Variants in HNRNPR observed in about 807,000 individuals in gnomAD.
HNRNPR encodes the protein heterogeneous nuclear ribonucleoprotein R.
HNRNPR carries 4 observed loss-of-function variants against 70.3 expected under a neutral mutation model. That is an observed-to-expected ratio of 0.06 (90% CI 0.03 to 0.13). The LOEUF (loss-of-function observed/expected upper bound fraction) is 0.13. HNRNPR is among the 10% of genes least tolerant of loss of function. The probability of loss-of-function intolerance (pLI) is 1.00; values close to 1 mark genes in which losing one functional copy is unlikely to be tolerated. For missense variants in HNRNPR, 423 were observed against 788.5 expected, an observed-to-expected ratio of 0.54 and a Z score of 5.55; for synonymous variants, 241 against 267.6, an observed-to-expected ratio of 0.90 and a Z score of 0.97.
intron 9 of HNRNPR, chr1:23,311,868 C>G (rs1451992960): frequency 1.3e-5 from 2 of 152,556 alleles, no homozygotes. Context: ...CTAGGTTTCC[C>G]TCACAATGCT....
chr1:23,338,672 C>T (rs985554773), intron 2 of HNRNPR, 64 bp from the exon 3 acceptor site: 8 of 721,660 alleles, frequency 1.1e-5, no homozygotes, highest in South Asian at 8.2e-5. Flanking sequence ...GCTCTACTGA[C>T]GTTTAATCAA....
In HNRNPR at chr1:23,308,437, T is replaced by C. The variant is rs985319342; in HGVS notation, c.*2017A>G. 4 of 152,106 alleles carry C rather than the reference T, an allele frequency of 2.6e-5. No individual in the cohort carries two copies. Among genetic ancestry groups the C allele is most frequent in the Admixed American group, 2.0e-4 (3 of 15,276 alleles). The allele number at this position is 152,106 out of a possible 1,614,324, so 9.4% of individuals were successfully genotyped here. On this transcript the variant is annotated 3_prime_UTR_variant, in exon 11 of 11. Coordinates refer to ENST00000302271, the MANE Select transcript of HNRNPR (RefSeq NM_005826.5). ...CTTTCCAGGAAAAAAATCAGGGTTT[T>C]ACTTAAGTCTAATTAGATGTATAGT...
Position 23,306,106 on chromosome 1 carries a change from G to C in HNRNPR, c.*4348C>G, listed in dbSNP as rs1645198830. The C allele has an allele frequency of 1.3e-5, 2 of 152,078 alleles. No homozygotes were observed. The highest frequency in any genetic ancestry group is 4.1e-4 in the South Asian group (2 of 4,826). The allele number at this position is 152,078 out of a possible 1,614,324, so 9.4% of individuals were successfully genotyped here. ...AATATAATACTAGACTGAAATGACAGTTAAAGCAAATTTATTGTCTCTCCA... is the reference window on the plus strand; with the variant it reads ...AATATAATACTAGACTGAAATGACACTTAAAGCAAATTTATTGTCTCTCCA... On this transcript the variant is annotated 3_prime_UTR_variant, in exon 11 of 11. Transcript: ENST00000302271.
chr1:23,333,001 T>C (rs1390494770), intron 5 of HNRNPR, among the ~76,000 whole-genome samples: 1 of 152,100 alleles, frequency 6.6e-6, no homozygotes. Flanking sequence ...CTGACCAACA[T>C]GGTGAAACCC....
At chr1:23,338,370 T>C (rs908491318) in intron 3 of HNRNPR, 120 bp downstream of exon 3, 2 of 493,394 alleles carry the variant, frequency 4.1e-6, no homozygotes, top group African/African-American at 2.0e-5. Context: ...TTTAAACTAA[T>C]TTTTTAAAAG....
At position 23,305,835 on chromosome 1, in the gene HNRNPR, T is replaced by C. The variant is rs1569854422; in HGVS notation, c.*4619A>G. 6.6e-6 allele frequency: 1 copy of C among 152,314 alleles called. No individual in the cohort carries two copies. The highest frequency in any genetic ancestry group is 2.1e-4 in the South Asian group (1 of 4,828). The allele number at this position is 152,314 out of a possible 1,614,324, so 9.4% of individuals were successfully genotyped here. The stretch of plus-strand genomic sequence containing the variant: ...GGTCTTAATATTTCAGCTATGTAAT[T>C]TCCTCTTGACCCAAAGTCATTGTCT... On this transcript the variant is annotated 3_prime_UTR_variant, in exon 11 of 11. Coordinates refer to ENST00000302271, the MANE Select transcript of HNRNPR (RefSeq NM_005826.5).
intron 4 of HNRNPR, among the ~76,000 whole-genome samples, chr1:23,335,437 A>T (rs1205411499): frequency 1.3e-5 from 2 of 152,252 alleles, no homozygotes; most frequent in Non-Finnish European, 2.9e-5. Flanking sequence ...GCTGCATAGC[A>T]GGAGGTAAAT....
intron 8 of HNRNPR, among the ~76,000 whole-genome samples, chr1:23,315,188 G>A (rs1300803706): frequency 2.7e-5 from 4 of 149,250 alleles, no homozygotes; most frequent in African/African-American, 1.0e-4. Flanking sequence ...GCTGAGGCAG[G>A]AGAATCACTT....
At chr1:23,335,939 A>T (rs569196170) in intron 4 of HNRNPR, among the ~76,000 whole-genome samples, 1 of 147,298 alleles carries the variant, frequency 6.8e-6, no homozygotes, top group African/African-American at 2.6e-5. Flanking sequence ...AAAATGGTGA[A>T]ACCCCGTCTC....
intron 7 of HNRNPR, 42 bp downstream of exon 7, chr1:23,321,486 C>A: frequency 6.4e-7 from 1 of 1,569,292 alleles, no homozygotes; most frequent in Non-Finnish European, 8.8e-7. Context: ...AGTAGTACAA[C>A]ATATTTCGCA....
chr1:23,312,858 C>T lies in HNRNPR; in HGVS notation c.1167+695G>A, dbSNP rs1013824041. ...AAGATTTTAGTAGTGTTTTGTCTTG[C>T]TCCCACCCCCCCAAGGAAGGAGAGA... On this transcript the variant is annotated intron_variant, in intron 9 of 10. Coordinates refer to ENST00000302271, the MANE Select transcript of HNRNPR (RefSeq NM_005826.5). Among the ~76,000 whole-genome samples, 12 of 151,990 alleles carry T rather than the reference C, an allele frequency of 7.9e-5. 1 individual carries two copies. The highest frequency in any genetic ancestry group is 1.6e-4 in the Non-Finnish European group (11 of 67,980).
At chr1:23,334,494 C>T (rs1256399872) in intron 4 of HNRNPR, among the ~76,000 whole-genome samples, 1 of 152,110 alleles carries the variant, frequency 6.6e-6, no homozygotes, top group African/African-American at 2.4e-5. Context: ...ACTTGGCCTC[C>T]CAAAGTGCTG....
chr1:23,321,125 T>C (rs963266618), intron 7 of HNRNPR, among the ~76,000 whole-genome samples: 2 of 130,714 alleles, frequency 1.5e-5, no homozygotes, highest in Non-Finnish European at 3.0e-5. Flanking sequence ...ATCGTACCAT[T>C]GCACTCCAGC....
intron 5 of HNRNPR, among the ~76,000 whole-genome samples, chr1:23,326,193 C>T (rs535666906): frequency 2.6e-4 from 39 of 148,666 alleles, no homozygotes; most frequent in Admixed American, 4.7e-4. Flanking sequence ...ACACGCCATC[C>T]GTACGTTTTT....
In HNRNPR at chr1:23,310,821, G is replaced by A. The variant is rs755807712; in HGVS notation, c.1535C>T (p.Pro512Leu). 3 of 1,613,906 alleles carry A rather than the reference G, an allele frequency of 1.9e-6. No individual in the cohort carries two copies. In the South Asian group the frequency reaches 3.3e-5, roughly 18 times the overall value. Residue 512 changes from proline to leucine, a missense_variant, in exon 11 of 11, where the codon CCA (proline) becomes CTA (leucine). Pro to Leu is a moderately conservative substitution (Grantham distance 98, BLOSUM62 -3). This residue lies in a region of HNRNPR where 169 missense variants were observed against 195.6 expected (regional missense o/e 0.86). Coordinates refer to ENST00000302271, the MANE Select transcript of HNRNPR (RefSeq NM_005826.5). This position sits in a 1 kb window ranked among gnomAD's most constrained non-coding sequence, Gnocchi z 6.0. ...RGGGRGGRGA[P>L]PPPRGRGAPP... Reference sequence around the variant, plus strand: ...TGCTCCCCTCCCCCTTGGTGGTGGTGGAGCACCTCGCCCTCCCCTTCCTCC... The same window carrying A: ...TGCTCCCCTCCCCCTTGGTGGTGGTAGAGCACCTCGCCCTCCCCTTCCTCC...
chr1:23,329,936 A>T (rs1646147643), intron 5 of HNRNPR, among the ~76,000 whole-genome samples: 1 of 152,072 alleles, frequency 6.6e-6, no homozygotes, highest in Non-Finnish European at 1.5e-5. Context: ...CAGCCAACAG[A>T]GTCTTTTGGG....
rs1645197530 is a variant in HNRNPR, at chr1:23,306,030, AAT to A, written c.*4422_*4423del. ...TTTTCACTAAAATTAGTGTGCAATA[AAT>A]ATCTCTTTAAGATGCATTATATGTT... On this transcript the variant is annotated 3_prime_UTR_variant, in exon 11 of 11. Coordinates refer to ENST00000302271, the MANE Select transcript of HNRNPR (RefSeq NM_005826.5). The A allele has an allele frequency of 6.6e-6, 1 of 152,200 alleles. No individual in the cohort carries two copies. Among genetic ancestry groups the A allele is most frequent in the Non-Finnish European group, 1.5e-5 (1 of 68,028 alleles). The allele number at this position is 152,200 out of a possible 1,614,324, so 9.4% of individuals were successfully genotyped here.
intron 4 of HNRNPR, among the ~76,000 whole-genome samples, chr1:23,336,412 GA>G (rs896760273): frequency 3.4e-5 from 5 of 146,160 alleles, no homozygotes; most frequent in African/African-American, 1.3e-4. Flanking sequence ...AAAAATACAA[GA>G]AAAAAAAAAT....
At chr1:23,324,923 G>A (rs762519787) in intron 5 of HNRNPR, among the ~76,000 whole-genome samples, 1 of 151,612 alleles carries the variant, frequency 6.6e-6, no homozygotes, top group South Asian at 2.1e-4. Context: ...GGCGGATCAC[G>A]AAGTCAGGAG....
Sources: gnomAD v4.1 joint callset for allele counts (sites outside exome capture counted in the v4.1 genomes callset) on GRCh38, gnomAD v4.1.1 for gene constraint, gnomAD v4.1.1 regional missense constraint, Gnocchi (gnomAD v3.1) non-coding constraint, MANE v1.5 for transcripts, NCBI Gene and HGNC (gene_info 2026-07-23, HGNC 2026-07-21) for gene names.